The following ASXL3 variants were observed in gnomAD, a reference collection of about 807,000 sequenced individuals.
The protein encoded by ASXL3 is ASXL transcriptional regulator 3.
ASXL3 carries 34 observed loss-of-function variants against 170.6 expected under a neutral mutation model. That is an observed-to-expected ratio of 0.20 (90% CI 0.15 to 0.27). The LOEUF (loss-of-function observed/expected upper bound fraction) is 0.27. ASXL3 is among the 10% of genes least tolerant of loss of function. The probability of loss-of-function intolerance (pLI) is 1.00; values close to 1 mark genes in which losing one functional copy is unlikely to be tolerated. For missense variants in ASXL3, 2,592 were observed against 2,695.3 expected (o/e 0.96, Z 0.85); for synonymous variants, 1,002 against 989.1 (o/e 1.01, Z -0.24).
intron 1 of ASXL3, among the ~76,000 whole-genome samples, chr18:33,600,990 A>G (rs1432764948): frequency 6.6e-6 from 1 of 152,166 alleles, no homozygotes; most frequent in Admixed American, 6.6e-5. Context: ...TTGGTCCTTT[A>G]GTATGCTCTT....
chr18:33,708,195 T>G (rs997801468), intron 8 of ASXL3, among the ~76,000 whole-genome samples: 3 of 152,200 alleles, frequency 2.0e-5, no homozygotes, highest in Non-Finnish European at 4.4e-5. Flanking sequence ...TTATATCTTT[T>G]CAACATGTTA....
intron 2 of ASXL3, among the ~76,000 whole-genome samples, chr18:33,621,948 C>A (rs180786100): frequency 2.4e-4 from 37 of 151,898 alleles, no homozygotes; most frequent in Admixed American, 1.2e-3. Context: ...TTCTGTTTCT[C>A]TATAAAAAAT....
chr18:33,743,662 A>G lies in ASXL3; in HGVS notation c.3814A>G (p.Thr1272Ala). The G allele has an allele frequency of 1.9e-6, 3 of 1,613,846 alleles. No individual in the cohort carries two copies. Among genetic ancestry groups the G allele is most frequent in the African/African-American group, 1.3e-5 (1 of 75,058 alleles). The change falls in exon 12 of 12, where the codon ACT (threonine) becomes GCT (alanine). Residue 1272 changes from threonine to alanine, a missense_variant. Thr to Ala is a moderately conservative substitution (Grantham distance 58, BLOSUM62 0). Around this residue, in one of 4 missense-constraint regions of ASXL3, gnomAD observed 2,246 missense variants for 2,219.6 expected, o/e 1.01. Transcript: ENST00000269197. Reference sequence around the variant, plus strand: ...CCTAATGTCTGTTGACAGTGCAAACACTACAATTTCTGCTTGTAATATAAG... The same window carrying G: ...CCTAATGTCTGTTGACAGTGCAAACGCTACAATTTCTGCTTGTAATATAAG... The part of the protein sequence containing the change: ...SVLMSVDSAN[T>A]TISACNISML...
intron 2 of ASXL3, among the ~76,000 whole-genome samples, chr18:33,628,616 C>T (rs915582806): frequency 6.6e-6 from 1 of 152,168 alleles, no homozygotes; most frequent in African/African-American, 2.4e-5. Flanking sequence ...TAGAAACTTA[C>T]TCTAAGGATC....
chr18:33,682,857 T>A (rs2066535506), intron 7 of ASXL3, among the ~76,000 whole-genome samples: 2 of 152,072 alleles, frequency 1.3e-5, no homozygotes, highest in Admixed American at 6.6e-5. Context: ...GAACCTAAGG[T>A]TTTTTTAAAA....
intron 1 of ASXL3, among the ~76,000 whole-genome samples, chr18:33,594,603 T>C (rs1284178951): frequency 6.6e-6 from 1 of 152,168 alleles, no homozygotes; most frequent in Non-Finnish European, 1.5e-5. Flanking sequence ...CCTTAATTCC[T>C]CTAGCACATA....
chr18:33,669,411 A>G (rs2066306751), intron 5 of ASXL3, among the ~76,000 whole-genome samples: 1 of 152,186 alleles, frequency 6.6e-6, no homozygotes, highest in African/African-American at 2.4e-5. Context: ...TTATGTTATC[A>G]TTAGCAACCA....
chr18:33,619,246 T>G (rs1380303857), intron 2 of ASXL3, among the ~76,000 whole-genome samples: 1 of 152,054 alleles, frequency 6.6e-6, no homozygotes, highest in African/African-American at 2.4e-5. Flanking sequence ...GTGGCCTAAG[T>G]CTAATAAAAC....
At chr18:33,661,514 AG>A in intron 4 of ASXL3, 101 bp from the exon 5 acceptor site, 1 of 1,144,172 alleles carries the variant, frequency 8.7e-7, no homozygotes, top group Non-Finnish European at 1.2e-6. Context: ...GCTTTATTTT[AG>A]GTATCCATTT....
At chr18:33,656,487 T>A (rs1027126469) in intron 4 of ASXL3, among the ~76,000 whole-genome samples, 4 of 152,108 alleles carry the variant, frequency 2.6e-5, no homozygotes, top group Non-Finnish European at 5.9e-5. Flanking sequence ...ATATCGGTGT[T>A]GCAGAGACTA....
At chr18:33,729,804 C>T (rs1327049639) in intron 8 of ASXL3, among the ~76,000 whole-genome samples, 1 of 152,022 alleles carries the variant, frequency 6.6e-6, no homozygotes, top group East Asian at 1.9e-4. Flanking sequence ...GACCGCCATC[C>T]CTGAGGAGTT....
At chr18:33,712,970 G>T (rs1455845202) in intron 8 of ASXL3, among the ~76,000 whole-genome samples, 2 of 152,052 alleles carry the variant, frequency 1.3e-5, no homozygotes, top group Non-Finnish European at 2.9e-5. Context: ...CCTTCTCAGT[G>T]GTTGAAGCTG....
At chr18:33,662,222 T>TA (rs1391629241) in intron 5 of ASXL3, among the ~76,000 whole-genome samples, 4 of 152,194 alleles carry the variant, frequency 2.6e-5, no homozygotes, top group Non-Finnish European at 4.4e-5. Flanking sequence ...GAATGGCAGT[T>TA]AAAGTTGCCA....
chr18:33,629,743 C>T (rs1006235429), intron 2 of ASXL3, among the ~76,000 whole-genome samples: 2 of 151,966 alleles, frequency 1.3e-5, no homozygotes, highest in Non-Finnish European at 2.9e-5. Context: ...AGATACATTT[C>T]TCCTCATGGG....
intron 4 of ASXL3, among the ~76,000 whole-genome samples, chr18:33,660,353 C>A (rs1159471417): frequency 2.0e-5 from 3 of 151,960 alleles, no homozygotes; most frequent in Admixed American, 6.6e-5. Context: ...TATTTTCTTC[C>A]CAGAATTGCC....
At position 33,746,210 on chromosome 18, in the gene ASXL3, A is replaced by G; in HGVS notation, c.6362A>G (p.Asp2121Gly). ...QLKAFALKSA[D>G]FSSYLLSEPQ... ...AAAGCATTCGCGCTAAAAAGTGCAG[A>G]TTTCTCTTCCTATTTGCTTTCTGAG... is the stretch of plus-strand genomic sequence containing the variant. The change falls in exon 12 of 12, where the codon GAT (aspartate) becomes GGT (glycine). Residue 2121 changes from aspartate to glycine, a missense_variant. Physicochemically the swap from Asp to Gly is moderately conservative, Grantham distance 94. Coordinates refer to ENST00000269197, the MANE Select transcript of ASXL3 (RefSeq NM_030632.3). 1.2e-6 allele frequency: 2 copies of G among 1,613,870 alleles called. No individual in the cohort carries two copies. The highest frequency in any genetic ancestry group is 1.7e-6 in the Non-Finnish European group (2 of 1,179,880).
intron 2 of ASXL3, 103 bp from the exon 3 acceptor site, chr18:33,644,791 T>C: frequency 1.6e-6 from 1 of 639,948 alleles, no homozygotes; most frequent in Non-Finnish European, 2.4e-6. Context: ...TTTTAATTAT[T>C]TTTTTATTTT....
Position 33,745,822 on chromosome 18 carries a change from C to T in ASXL3, c.5974C>T (p.Pro1992Ser). The T allele has an allele frequency of 6.2e-7, 1 of 1,613,900 alleles. No homozygotes were observed. The highest frequency in any genetic ancestry group is 1.1e-5 in the South Asian group (1 of 91,078). ...HQLRLANMLS[P>S]NMPMKEGDEV... ...GCTAAGGTTAGCCAACATGTTATCC[C>T]CCAATATGCCCATGAAAGAAGGTGA... The change falls in exon 12 of 12, where the codon CCC becomes TCC. Residue 1992 changes from proline (P) to serine (S), a missense_variant. Pro to Ser is a moderately conservative substitution (Grantham distance 74). Coordinates refer to ENST00000269197, the MANE Select transcript of ASXL3 (RefSeq NM_030632.3).
chr18:33,646,886 G>GGC (rs1568302364), intron 4 of ASXL3, among the ~76,000 whole-genome samples: 1 of 146,912 alleles, frequency 6.8e-6, no homozygotes, highest in Non-Finnish European at 1.5e-5. Context: ...GGAGCGGGGG[G>GGC]GGGGGGCATT....
Sources: allele counts gnomAD v4.1 joint callset (sites outside exome capture counted in the v4.1 genomes callset), GRCh38; gene constraint gnomAD v4.1.1; regional missense constraint gnomAD v4.1.1; transcripts MANE v1.5; gene names NCBI Gene and HGNC (gene_info 2026-07-23, HGNC 2026-07-21).